The following SMARCC2 variants were observed in gnomAD, a reference collection of about 807,000 sequenced individuals.
The protein encoded by SMARCC2 is SWI/SNF related BAF chromatin remodeling complex subunit C2, also known as SWI/SNF complex subunit SMARCC2.
In SMARCC2, 15 loss-of-function variants were observed where a neutral mutation model predicts 151.3. The observed-to-expected ratio is 0.10, with a 90% CI of 0.07 to 0.15. The LOEUF is 0.15. SMARCC2 is among the 10% of genes least tolerant of loss of function. The pLI is 1.00. For missense variants in SMARCC2, 1,031 were observed against 1,599.7 expected, an observed-to-expected ratio of 0.64 and a Z score of 6.06; for synonymous variants, 590 against 609.5, an observed-to-expected ratio of 0.97 and a Z score of 0.47.
chr12:56,168,365 GTCTTTTT>G (rs1386963813), intron 25 of SMARCC2, among the ~76,000 whole-genome samples, 171 bp from the exon 26 acceptor site: 33 of 151,622 alleles, frequency 2.2e-4, no homozygotes, highest in Non-Finnish European at 2.9e-4. Flanking sequence ...GAGCCACCGT[GTCTTTTT>G]TCTTTTTTCT....
At chr12:56,167,110 G>A (rs1872938027) in intron 26 of SMARCC2, among the ~76,000 whole-genome samples, 1 of 149,226 alleles carries the variant, frequency 6.7e-6, no homozygotes, top group Non-Finnish European at 1.5e-5. Flanking sequence ...CCGGCACTTT[G>A]GGAAGCAGAG....
rs1263599115 is a variant in SMARCC2, at chr12:56,162,527, G to A, written c.*1162C>T. 1 of 539,642 alleles carries A rather than the reference G, an allele frequency of 1.9e-6. No homozygotes were observed. The highest frequency in any genetic ancestry group is 3.2e-6 in the Non-Finnish European group (1 of 308,486). 33.4% of individuals were successfully genotyped at this position (539,642 alleles called of 1,614,324 possible). A position where few individuals can be genotyped will look rare whatever the true frequency, so the allele number is the denominator to read the frequency against. ...GTGGGAGGAACCAAGAAGAACCAGT[G>A]CAGAGCCTGGAGTCACACCTGCCTT... On this transcript the variant is annotated 3_prime_UTR_variant, in exon 29 of 29. Coordinates refer to ENST00000550164, the MANE Select transcript of SMARCC2 (RefSeq NM_001330288.2).
intron 18 of SMARCC2, 57 bp from the exon 19 acceptor site, chr12:56,172,761 T>C (rs2135690194): frequency 1.2e-6 from 2 of 1,607,724 alleles, no homozygotes; most frequent in South Asian, 2.2e-5. Flanking sequence ...AGCCAGGGGC[T>C]GACAGAGAGA....
rs1430693050 is a variant in SMARCC2, at chr12:56,171,765, G to A, written c.2099C>T (p.Ser700Leu). ...AACAGTGCTCATAACAGGGTTGCCC[G>A]ACTGACTGAAGGGGATGGGTTGGTA... is the stretch of plus-strand genomic sequence containing the variant. Reference protein sequence around the residue: ...LAYQPIPFSQSGNPVMSTVAF... With the variant: ...LAYQPIPFSQLGNPVMSTVAF... The change falls in exon 21 of 29, where the codon TCG becomes TTG. Residue 700 changes from serine (S) to leucine (L), a missense_variant. This residue lies in a region of SMARCC2 where 51 missense variants were observed against 137.9 expected (regional missense o/e 0.37). Coordinates refer to ENST00000550164, the MANE Select transcript of SMARCC2 (RefSeq NM_001330288.2). The surrounding 1 kb of genome is among the most constrained non-coding windows in gnomAD (Gnocchi z 4.2). 1.2e-5 allele frequency: 19 copies of A among 1,612,362 alleles called. No homozygotes were observed. Among genetic ancestry groups the A allele is most frequent in the Non-Finnish European group, 1.6e-5 (19 of 1,179,196 alleles).
intron 13 of SMARCC2, 88 bp from the exon 14 acceptor site, chr12:56,178,622 A>T: frequency 6.3e-7 from 1 of 1,577,528 alleles, no homozygotes; most frequent in Non-Finnish European, 8.7e-7. Flanking sequence ...GAATGTGGAC[A>T]CTAAAGATGG....
At chr12:56,174,878 A>T in intron 15 of SMARCC2, 114 bp from the exon 16 acceptor site, 1 of 692,236 alleles carries the variant, frequency 1.4e-6, no homozygotes. Context: ...AAGATGGAAA[A>T]AAGTAGATTA....
chr12:56,180,828 T>C, intron 11 of SMARCC2, 149 bp downstream of exon 11: 1 of 792,490 alleles, frequency 1.3e-6, no homozygotes, highest in Non-Finnish European at 2.1e-6. Flanking sequence ...TCCAGGGTAA[T>C]GACCGTAATT....
Position 56,169,909 on chromosome 12 carries a change from T to C in SMARCC2, c.2415A>G (p.Glu805=), listed in dbSNP as rs1873587977. 4.3e-6 allele frequency: 7 copies of C among 1,613,416 alleles called. No individual in the cohort carries two copies. In the East Asian group the frequency reaches 1.6e-4, roughly 36 times the overall value. The stretch of plus-strand genomic sequence containing the variant: ...CTATAGCACCCCCTCCTTCTCGGGG[T>C]TCCTGAAATTCCAGTGATAGAAAAG... ...QATDEKKEPK[E]PREGGGAIEE... Residue 805 remains glutamate (E), a splice_region_variant and synonymous_variant, in exon 24 of 29, where the codon GAA becomes GAG. Coordinates refer to ENST00000550164, the MANE Select transcript of SMARCC2 (RefSeq NM_001330288.2).
rs1872671852 is a variant in SMARCC2 at position 56,165,789 on chromosome 12, G to C, written c.2851-90C>G. On this transcript the variant is annotated intron_variant, in intron 26 of 28. Coordinates refer to ENST00000550164, the MANE Select transcript of SMARCC2 (RefSeq NM_001330288.2). ...CCCTGCTTTGTCTTCTTCTGAAAGA[G>C]CCTGCCTCTCAATCAGAAGGTTCCC... 4.5e-6 allele frequency: 6 copies of C among 1,320,994 alleles called. No homozygotes were observed. The Admixed American group carries it at 8.9e-5, about 20-fold the overall frequency. 81.8% of individuals were successfully genotyped at this position (1,320,994 alleles called of 1,614,324 possible). A position where few individuals can be genotyped will look rare whatever the true frequency, so the allele number is the denominator to read the frequency against.
chr12:56,170,175 C>T lies in SMARCC2; in HGVS notation c.2381G>A (p.Gly794Asp). 1 of 1,614,000 alleles carries T rather than the reference C, an allele frequency of 6.2e-7. No homozygotes were observed. Among genetic ancestry groups the T allele is most frequent in the Non-Finnish European group, 8.5e-7 (1 of 1,179,906 alleles). ...ESGNDEARVE[G>D]QATDEKKEPK... ...CTCCTTCTTCTCATCTGTGGCCTGG[C>T]CTTCCACCCGAGCCTCGTCATTCCC... Residue 794 changes from glycine to aspartate, a missense_variant, in exon 23 of 29, where the codon GGC becomes GAC. Physicochemically the swap from Gly to Asp is moderately conservative, Grantham distance 94. Around this residue, in one of 12 missense-constraint regions of SMARCC2, gnomAD observed 119 missense variants for 184.2 expected, o/e 0.65. Coordinates refer to ENST00000550164, the MANE Select transcript of SMARCC2 (RefSeq NM_001330288.2).
chr12:56,179,055 G>C lies in SMARCC2; in HGVS notation c.1083C>G (p.Val361=), dbSNP rs1280469281. 4 of 1,613,866 alleles carry C rather than the reference G, an allele frequency of 2.5e-6. No homozygotes were observed. The highest frequency in any genetic ancestry group is 3.4e-6 in the Non-Finnish European group (4 of 1,179,894). ...NVEEVTLPKT[V]NTKKDSESAP... ...CCGACTCTGAGTCTTTCTTTGTGTT[G>C]ACTGCGAAAACAGAGAGTCATTTTA... The change falls in exon 12 of 29, where the codon GTC becomes GTG. Residue 361 remains valine, a splice_region_variant and synonymous_variant. Coordinates refer to ENST00000550164, the MANE Select transcript of SMARCC2 (RefSeq NM_001330288.2).
chr12:56,174,641 C>T lies in SMARCC2; in HGVS notation c.1496+10G>A, dbSNP rs1482711945. On this transcript the variant is annotated intron_variant, in intron 16 of 28. Coordinates refer to ENST00000550164, the MANE Select transcript of SMARCC2 (RefSeq NM_001330288.2). ...TCATGTACCCCCTTCCCCTCAGCCA[C>T]AAGACCCACCTCATGATGGCACAGA... 1.7e-5 allele frequency: 27 copies of T among 1,594,392 alleles called. No individual in the cohort carries two copies. The highest frequency in any genetic ancestry group is 3.3e-5 in the Admixed American group (2 of 59,964).
Position 56,178,651 on chromosome 12 carries a change from C to T in SMARCC2, c.1180-117G>A, listed in dbSNP as rs369489467. 1.1e-5 allele frequency: 16 copies of T among 1,511,688 alleles called. No homozygotes were observed. In the African/African-American group the frequency reaches 2.2e-4, roughly 21 times the overall value. 93.6% of individuals were successfully genotyped at this position (1,511,688 alleles called of 1,614,324 possible). ...AAGATGGGTGATGGGACTGAGCAGT[C>T]ATGGGCCCCAGGACTCTGAAAGGGT... On this transcript the variant is annotated intron_variant, in intron 13 of 28. Coordinates refer to ENST00000550164, the MANE Select transcript of SMARCC2 (RefSeq NM_001330288.2).
chr12:56,180,649 C>T (rs1876020535), intron 11 of SMARCC2, among the ~76,000 whole-genome samples: 1 of 152,004 alleles, frequency 6.6e-6, no homozygotes, highest in Non-Finnish European at 1.5e-5. Context: ...GGTGATCCGC[C>T]CGCCTCGGCC....
At chr12:56,167,372 T>A (rs560993495) in intron 26 of SMARCC2, among the ~76,000 whole-genome samples, 1 of 151,876 alleles carries the variant, frequency 6.6e-6, no homozygotes, top group Admixed American at 6.6e-5. Context: ...AATAAATAAA[T>A]AAAATAAATT....
At position 56,171,218 on chromosome 12, in the gene SMARCC2, G is replaced by A. The variant is rs907146224; in HGVS notation, c.2347+53C>T. ...AGGCAGAAATGGCACAGGAGGCCAG[G>A]TAGCTCTGGATCTTGTGAAAGGCAA... On this transcript the variant is annotated intron_variant, in intron 22 of 28. Transcript: ENST00000550164. The surrounding 1 kb of genome is among the most constrained non-coding windows in gnomAD (Gnocchi z 4.2). 1.4e-5 allele frequency: 22 copies of A among 1,581,350 alleles called. No homozygotes were observed. The highest frequency in any genetic ancestry group is 2.2e-5 in the South Asian group (2 of 90,216).
chr12:56,173,893 A>G (rs761405981), intron 16 of SMARCC2, 44 bp from the exon 17 acceptor site: 22 of 1,571,216 alleles, frequency 1.4e-5, no homozygotes, highest in Non-Finnish European at 1.7e-5. Context: ...GATAGCCAGA[A>G]AGGTGCACGA....
chr12:56,178,966 G>C, intron 12 of SMARCC2, 31 bp downstream of exon 12: 6 of 1,612,462 alleles, frequency 3.7e-6, no homozygotes, highest in Non-Finnish European at 5.1e-6. Flanking sequence ...CCTTGGCTCT[G>C]ACTGCCGTGC....
Position 56,167,998 on chromosome 12 carries a change from A to ACACACG in SMARCC2, c.2850+61_2850+62insCGTGTG, listed in dbSNP as rs1592279887. On this transcript the variant is annotated intron_variant, in intron 26 of 28. Transcript: ENST00000550164. ...CACACACACACACACACACACACAC[A>ACACACG]CGCCCCTCCGATTTTAAACTGAGGC... is the stretch of plus-strand genomic sequence containing the variant. 4 of 1,325,722 alleles carry ACACACG rather than the reference A, an allele frequency of 3.0e-6. No homozygotes were observed. In the East Asian group the frequency reaches 9.4e-5, roughly 31 times the overall value. 82.1% of individuals were successfully genotyped at this position (1,325,722 alleles called of 1,614,324 possible).
Sources: allele counts gnomAD v4.1 joint callset (sites outside exome capture counted in the v4.1 genomes callset), GRCh38; gene constraint gnomAD v4.1.1; regional missense constraint gnomAD v4.1.1; non-coding constraint Gnocchi (gnomAD v3.1); transcripts MANE v1.5; gene names NCBI Gene and HGNC (gene_info 2026-07-23, HGNC 2026-07-21).